The following DGKB variants were observed in gnomAD, a reference collection of about 807,000 sequenced individuals.
DGKB encodes the protein 90 kDa diacylglycerol kinase.
DGKB carries 67 observed loss-of-function variants against 114.3 expected under a neutral mutation model. The ratio of observed to expected loss-of-function variants is 0.59; its 90% CI spans 0.48 to 0.72. The LOEUF (loss-of-function observed/expected upper bound fraction) is 0.72, where lower values mean the gene tolerates loss of function less well. Among genes scored for constraint, DGKB ranks in the 30% least tolerant of loss-of-function variants. The pLI is 0.00. For missense variants in DGKB, 907 were observed against 975.2 expected (o/e 0.93, Z 0.93); for synonymous variants, 398 against 323.1 (o/e 1.23, Z -2.49).
At chr7:14,434,353 G>C (rs1027079974) in intron 21 of DGKB, among the ~76,000 whole-genome samples, 7 of 152,038 alleles carry the variant, frequency 4.6e-5, no homozygotes, top group African/African-American at 1.7e-4. Flanking sequence ...TTTAGGATTT[G>C]GGGAGGGATT....
chr7:14,607,990 A>T (rs1804836448), intron 16 of DGKB, among the ~76,000 whole-genome samples: 1 of 152,044 alleles, frequency 6.6e-6, no homozygotes, highest in African/African-American at 2.4e-5. Context: ...GTGTACATGT[A>T]AGCAAAGAAT....
chr7:14,237,124 C>G (rs1562702514), intron 23 of DGKB, among the ~76,000 whole-genome samples: 1 of 151,974 alleles, frequency 6.6e-6, no homozygotes, highest in Non-Finnish European at 1.5e-5. Flanking sequence ...CAGCGTTACA[C>G]TTGCCTAGCA....
chr7:14,414,626 C>A (rs73679738), intron 21 of DGKB, among the ~76,000 whole-genome samples: 5 of 152,128 alleles, frequency 3.3e-5, no homozygotes, highest in African/African-American at 9.6e-5. Context: ...CTGTAACTAA[C>A]AGAATAGGTA....
At chr7:14,285,729 C>A (rs1405370936) in intron 23 of DGKB, among the ~76,000 whole-genome samples, 1 of 151,992 alleles carries the variant, frequency 6.6e-6, no homozygotes, top group African/African-American at 2.4e-5. Context: ...TTGGAAGGTA[C>A]ATCTATGTAT....
chr7:14,947,251 G>A (rs2128258078), intron 1 of DGKB, among the ~76,000 whole-genome samples: 1 of 151,708 alleles, frequency 6.6e-6, no homozygotes, highest in South Asian at 2.1e-4. Context: ...TGAGAGCCTA[G>A]CAACAAGAAG....
At chr7:14,285,366 G>A (rs1180886633) in intron 23 of DGKB, among the ~76,000 whole-genome samples, 1 of 152,174 alleles carries the variant, frequency 6.6e-6, no homozygotes, top group Non-Finnish European at 1.5e-5. Context: ...GGAGCAAAGA[G>A]GTGGGAGGAT....
intron 13 of DGKB, among the ~76,000 whole-genome samples, chr7:14,661,994 G>A (rs1817191757): frequency 1.3e-5 from 2 of 151,938 alleles, no homozygotes; most frequent in Admixed American, 1.3e-4. Flanking sequence ...TCATAGGTGG[G>A]AAATGAACAA....
chr7:14,380,514 T>A (rs925575376), intron 21 of DGKB, among the ~76,000 whole-genome samples: 9 of 152,164 alleles, frequency 5.9e-5, no homozygotes, highest in Non-Finnish European at 1.3e-4. Flanking sequence ...CTCATATTGT[T>A]TTCATTTTGC....
intron 2 of DGKB, chr7:14,816,715 T>C (rs1021710490): frequency 1.3e-5 from 2 of 152,194 alleles, no homozygotes; most frequent in Admixed American, 1.3e-4. Flanking sequence ...TTTAACATGA[T>C]TTTTTACATA....
intron 17 of DGKB, among the ~76,000 whole-genome samples, chr7:14,583,996 C>T (rs187255265): frequency 4.3e-4 from 66 of 152,284 alleles, no homozygotes; most frequent in African/African-American, 1.5e-3. Context: ...AATTTTTCTA[C>T]GTACTTACGT....
At chr7:14,536,033 T>C (rs1792436523) in intron 20 of DGKB, among the ~76,000 whole-genome samples, 2 of 152,140 alleles carry the variant, frequency 1.3e-5, no homozygotes, top group Non-Finnish European at 2.9e-5. Flanking sequence ...TGAACAATTA[T>C]ATGCTAACAA....
At chr7:14,752,614 G>C (rs774472806) in intron 4 of DGKB, among the ~76,000 whole-genome samples, 65 of 152,210 alleles carry the variant, frequency 4.3e-4, no homozygotes, top group Admixed American at 2.6e-3. Context: ...TTTCTATTCT[G>C]TAACTGCAAT....
At position 14,741,040 on chromosome 7, in the gene DGKB, G is replaced by C. The variant is rs148267158; in HGVS notation, c.169-4846C>G. On this transcript the variant is annotated intron_variant, in intron 4 of 25. Transcript: ENST00000402815. ...CACCTTACAGATGCATTCTGAGCTG[G>C]GGGGCTCCTTTGAAAAAAATGCCTT... Among the ~76,000 whole-genome samples, 80 of 152,170 alleles carry C rather than the reference G, an allele frequency of 5.3e-4. 2 individuals carry two copies. In the East Asian group the frequency reaches 0.014, roughly 27 times the overall value.
chr7:14,161,476 T>C (rs1015019419), intron 25 of DGKB, among the ~76,000 whole-genome samples: 2 of 152,012 alleles, frequency 1.3e-5, no homozygotes, highest in Non-Finnish European at 2.9e-5. Context: ...TGGAATACTA[T>C]GCAGCCATAA....
At chr7:14,847,496 T>C (rs1396989961) in intron 1 of DGKB, among the ~76,000 whole-genome samples, 2 of 152,178 alleles carry the variant, frequency 1.3e-5, no homozygotes, top group Admixed American at 6.5e-5. Context: ...TATAATTGCT[T>C]GTTCATTTAA....
intron 17 of DGKB, among the ~76,000 whole-genome samples, chr7:14,607,107 C>T (rs767256912): frequency 6.6e-6 from 1 of 151,330 alleles, no homozygotes; most frequent in Admixed American, 6.6e-5. Context: ...GAGAATCGTT[C>T]TTCAAATACA....
intron 23 of DGKB, among the ~76,000 whole-genome samples, chr7:14,217,339 G>C (rs1426381783): frequency 1.3e-5 from 2 of 151,832 alleles, no homozygotes; most frequent in African/African-American, 4.8e-5. Context: ...ATTTTTGTTT[G>C]CTTCCTTGGG....
At chr7:14,553,409 A>G (rs1274588891) in intron 20 of DGKB, among the ~76,000 whole-genome samples, 1 of 152,190 alleles carries the variant, frequency 6.6e-6, no homozygotes, top group East Asian at 1.9e-4. Flanking sequence ...TCCAGCACAT[A>G]GTGATTAGTC....
intron 21 of DGKB, among the ~76,000 whole-genome samples, chr7:14,388,525 T>C (rs948623761): frequency 3.3e-5 from 5 of 150,962 alleles, no homozygotes; most frequent in Admixed American, 6.6e-5. Context: ...GAGGAGATAA[T>C]AAGTCATCAT....
Sources: allele counts gnomAD v4.1 joint callset (sites outside exome capture counted in the v4.1 genomes callset), GRCh38; gene constraint gnomAD v4.1.1; transcripts MANE v1.5; gene names NCBI Gene and HGNC (gene_info 2026-07-23, HGNC 2026-07-21).